WIPF2: variants seen among roughly 807,000 people sequenced by gnomAD.
WIPF2 encodes the protein WAS/WASL-interacting protein family member 2.
A neutral mutation model predicts 38.8 loss-of-function variants in WIPF2; 23 were observed. The ratio of observed to expected loss-of-function variants is 0.59; its 90% confidence interval spans 0.43 to 0.84. The LOEUF (loss-of-function observed/expected upper bound fraction) is 0.84, where lower values mean the gene tolerates loss of function less well. Ranked by LOEUF, WIPF2 falls within the 40% of genes least tolerant of loss-of-function variation. The probability of loss-of-function intolerance (pLI) is 0.00; values close to 1 mark genes in which losing one functional copy is unlikely to be tolerated. For missense variants in WIPF2, 574 were observed against 580.5 expected (o/e 0.99, Z 0.11); for synonymous variants, 210 against 223.2 (o/e 0.94, Z 0.53).
chr17:40,235,141 C>T (rs961171645), intron 1 of WIPF2, among the ~76,000 whole-genome samples: 3 of 151,322 alleles, frequency 2.0e-5, no homozygotes, highest in African/African-American at 4.9e-5. Flanking sequence ...GATGGCCGCC[C>T]GCCTCGGCCT....
At chr17:40,225,327 C>G (rs922037762) in intron 1 of WIPF2, among the ~76,000 whole-genome samples, 4 of 148,268 alleles carry the variant, frequency 2.7e-5, no homozygotes, top group African/African-American at 1.0e-4. Flanking sequence ...CTACAGAGGG[C>G]TACTAAAAAA....
Position 40,219,368 on chromosome 17 carries a change from T to TGGCGGCGGCGGCGGCGGCGGCGGC in WIPF2, c.-186_-163dup, listed in dbSNP as rs60253561. 1.5e-4 allele frequency: 56 copies of TGGCGGCGGCGGCGGCGGCGGCGGC among 379,780 alleles called. No homozygotes were observed. Among genetic ancestry groups the TGGCGGCGGCGGCGGCGGCGGCGGC allele is most frequent in the African/African-American group, 1.1e-3 (45 of 42,838 alleles). The allele number at this position is 379,780 out of a possible 1,614,324, so 23.5% of individuals were successfully genotyped here. On this transcript the variant is annotated 5_prime_UTR_variant, in exon 1 of 8. Transcript: ENST00000323571. ...ATTTCCGGGTTGGCAAAAGGGGCGG[T>TGGCGGCGGCGGCGGCGGCGGCGGC]GGCGGCGGCGGCGGCGGCGGCGGCG...
intron 6 of WIPF2, among the ~76,000 whole-genome samples, chr17:40,274,768 C>T (rs1048734879): frequency 6.0e-5 from 9 of 150,780 alleles, no homozygotes; most frequent in East Asian, 2.0e-4. Context: ...CATGGTGGAA[C>T]TTCATCTCTC....
chr17:40,269,427 C>G (rs1374843020), intron 5 of WIPF2, among the ~76,000 whole-genome samples: 5 of 151,366 alleles, frequency 3.3e-5, no homozygotes, highest in African/African-American at 1.2e-4. Flanking sequence ...GGGAGGATCA[C>G]TTGAGCCCAG....
intron 1 of WIPF2, among the ~76,000 whole-genome samples, chr17:40,253,955 G>A (rs939118097): frequency 4.0e-5 from 6 of 151,792 alleles, no homozygotes; most frequent in African/African-American, 1.5e-4. Flanking sequence ...TGACAGAGAG[G>A]TTTTGGTCAC....
In WIPF2 at chr17:40,254,508, T is replaced by TA. The variant is rs1407912176; in HGVS notation, c.-69-1882dup. ...CTTAAAATGGCTTTGTGGGGGTAGT[T>TA]ATTGTTCTTGAGTTCTGGTTTTAGT... On this transcript the variant is annotated intron_variant, in intron 1 of 7. Transcript: ENST00000323571. Among the ~76,000 whole-genome samples, 3 of 152,100 alleles carry TA rather than the reference T, an allele frequency of 2.0e-5. No homozygotes were observed. The East Asian group carries it at 5.8e-4, about 29-fold the overall frequency.
chr17:40,274,068 C>A, intron 6 of WIPF2, 69 bp downstream of exon 6: 2 of 1,306,948 alleles, frequency 1.5e-6, no homozygotes, highest in Non-Finnish European at 2.1e-6. Flanking sequence ...GCCATGGCTG[C>A]TAGATGGCCA....
intron 1 of WIPF2, among the ~76,000 whole-genome samples, chr17:40,249,659 G>A (rs545908836): frequency 6.6e-6 from 1 of 151,472 alleles, no homozygotes; most frequent in Non-Finnish European, 1.5e-5. Context: ...CTCCATGTTG[G>A]TCAGGCTGGT....
At chr17:40,231,590 A>G (rs1275946548) in intron 1 of WIPF2, among the ~76,000 whole-genome samples, 2 of 151,610 alleles carry the variant, frequency 1.3e-5, no homozygotes, top group African/African-American at 4.8e-5. Flanking sequence ...CGCCCAGCTA[A>G]TTTTTTGTAT....
Position 40,260,474 on chromosome 17 carries a change from A to G in WIPF2, c.64-61A>G, listed in dbSNP as rs527530329. ...AGTGTTGGGATTACAGGCGTGAGCC[A>G]CCGCACCCGGCCGATAAAGGGAACT... On this transcript the variant is annotated intron_variant, in intron 2 of 7. Coordinates refer to ENST00000323571, the MANE Select transcript of WIPF2 (RefSeq NM_133264.5). The G allele has an allele frequency of 1.0e-5, 16 of 1,589,346 alleles. No individual in the cohort carries two copies. In the South Asian group the frequency reaches 1.5e-4, roughly 15 times the overall value.
At position 40,219,398 on chromosome 17, in the gene WIPF2, C is replaced by T. The variant is rs1252923513; in HGVS notation, c.-164C>T. Reference sequence around the variant, plus strand: ...GCGGCGGCGGCGGCGGCGGCGGCGGCGACGGCGAGAAAGAGCTTGCCGGGG... The same window carrying T: ...GCGGCGGCGGCGGCGGCGGCGGCGGTGACGGCGAGAAAGAGCTTGCCGGGG... On this transcript the variant is annotated 5_prime_UTR_variant, in exon 1 of 8. Coordinates refer to ENST00000323571, the MANE Select transcript of WIPF2 (RefSeq NM_133264.5). The T allele has an allele frequency of 1.5e-5, 6 of 411,864 alleles. No homozygotes were observed. The highest frequency in any genetic ancestry group is 6.7e-5 in the South Asian group (3 of 44,918). The allele number at this position is 411,864 out of a possible 1,614,324, so 25.5% of individuals were successfully genotyped here. A position where few individuals can be genotyped will look rare whatever the true frequency, so the allele number is the denominator to read the frequency against.
At chr17:40,259,247 T>G (rs1000379437) in intron 2 of WIPF2, among the ~76,000 whole-genome samples, 1 of 151,282 alleles carries the variant, frequency 6.6e-6, no homozygotes, top group Non-Finnish European at 1.5e-5. Flanking sequence ...TGGTAGCAGA[T>G]GCAGCTGGAG....
At position 40,250,544 on chromosome 17, in the gene WIPF2, C is replaced by T. The variant is rs377045112; in HGVS notation, c.-69-5847C>T. On this transcript the variant is annotated intron_variant, in intron 1 of 7. Transcript: ENST00000323571. ...GATTCCAGGCGTGAGCCACCACACC[C>T]GGCCTTTATCTTGGTTTTTAAGATG... Among the ~76,000 whole-genome samples, 16 of 151,884 alleles carry T rather than the reference C, an allele frequency of 1.1e-4. No homozygotes were observed. In the South Asian group the frequency reaches 2.9e-3, roughly 28 times the overall value.
At position 40,256,123 on chromosome 17, in the gene WIPF2, C is replaced by T. The variant is rs528049350; in HGVS notation, c.-69-268C>T. ...AAAAAAAAAAAAAAAAAAAAAAGGA[C>T]ACAAGGCCTAAATAGACACCTTACC... On this transcript the variant is annotated intron_variant, in intron 1 of 7. Coordinates refer to ENST00000323571, the MANE Select transcript of WIPF2 (RefSeq NM_133264.5). Among the ~76,000 whole-genome samples, 60 of 136,468 alleles carry T rather than the reference C, an allele frequency of 4.4e-4. 1 individual carries two copies. In the South Asian group the frequency reaches 0.012, roughly 28 times the overall value. 89.5% of individuals were successfully genotyped at this position (136,468 alleles called of 152,430 possible).
chr17:40,250,345 CT>C (rs1315996288), intron 1 of WIPF2, among the ~76,000 whole-genome samples: 1 of 148,244 alleles, frequency 6.7e-6, no homozygotes, highest in Admixed American at 6.9e-5. Context: ...ATTCTTCTGC[CT>C]CAGCCTTCTG....
Position 40,283,011 on chromosome 17 carries a change from A to G in WIPF2, c.*4786A>G, listed in dbSNP as rs1049422887. 6.6e-6 allele frequency: 1 copy of G among 151,782 alleles called. No individual in the cohort carries two copies. The highest frequency in any genetic ancestry group is 2.4e-5 in the African/African-American group (1 of 41,282). 9.4% of individuals were successfully genotyped at this position (151,782 alleles called of 1,614,324 possible). A position where few individuals can be genotyped will look rare whatever the true frequency, so the allele number is the denominator to read the frequency against. Reference sequence around the variant, plus strand: ...AGACCAGCTTGGCCAACATGGTGAAACCCCGTCTCTACTGAAAATACAAAA... The same window carrying G: ...AGACCAGCTTGGCCAACATGGTGAAGCCCCGTCTCTACTGAAAATACAAAA... On this transcript the variant is annotated 3_prime_UTR_variant, in exon 8 of 8. Coordinates refer to ENST00000323571, the MANE Select transcript of WIPF2 (RefSeq NM_133264.5).
chr17:40,258,112 C>A (rs1367801422), intron 2 of WIPF2, among the ~76,000 whole-genome samples: 1 of 152,174 alleles, frequency 6.6e-6, no homozygotes, highest in Admixed American at 6.5e-5. Context: ...AAAAGCAGAG[C>A]TTGGCCGGGC....
Position 40,219,342 on chromosome 17 carries a change from C to T in WIPF2, c.-220C>T, listed in dbSNP as rs996496322. On this transcript the variant is annotated 5_prime_UTR_variant, in exon 1 of 8. Transcript: ENST00000323571. ...ACGCTGGGGACGGTGGGAGCAGATC[C>T]ATTTCCGGGTTGGCAAAAGGGGCGG... 2.7e-6 allele frequency: 1 copy of T among 373,590 alleles called. No homozygotes were observed. The highest frequency in any genetic ancestry group is 2.5e-5 in the South Asian group (1 of 39,706). 23.1% of individuals were successfully genotyped at this position (373,590 alleles called of 1,614,324 possible). A position where few individuals can be genotyped will look rare whatever the true frequency, so the allele number is the denominator to read the frequency against.
chr17:40,244,931 T>C (rs1026722101), intron 1 of WIPF2, among the ~76,000 whole-genome samples: 3 of 152,156 alleles, frequency 2.0e-5, no homozygotes, highest in Non-Finnish European at 4.4e-5. Flanking sequence ...ATTTTATCAT[T>C]ATTATTACTA....
Sources: gnomAD v4.1 joint callset for allele counts (sites outside exome capture counted in the v4.1 genomes callset) on GRCh38, gnomAD v4.1.1 for gene constraint, MANE v1.5 for transcripts, NCBI Gene and HGNC (gene_info 2026-07-23, HGNC 2026-07-21) for gene names.